The following DNM3 variants were observed in gnomAD, a reference collection of about 807,000 sequenced individuals.
The protein encoded by DNM3 is dynamin 3.
DNM3 carries 47 observed loss-of-function variants against 101.6 expected under a neutral mutation model. The observed-to-expected ratio is 0.46, with a 90% CI of 0.37 to 0.59. The LOEUF is 0.59. Among genes scored for constraint, DNM3 ranks in the 20% least tolerant of loss-of-function variants. The pLI is 0.00. For synonymous variants in DNM3, 385 were observed against 387.9 expected (o/e 0.99, Z 0.09); for missense variants, 849 against 1,085.7 (o/e 0.78, Z 3.06).
chr1:171,853,369 G>A (rs894125769), intron 1 of DNM3, among the ~76,000 whole-genome samples: 3 of 152,062 alleles, frequency 2.0e-5, no homozygotes, highest in Admixed American at 2.0e-4. Flanking sequence ...GTCTCCCTAT[G>A]TTGTCCAGGC....
chr1:172,131,161 C>T lies in DNM3; in HGVS notation c.1546-14C>T. On this transcript the variant is annotated splice_polypyrimidine_tract_variant and intron_variant, in intron 13 of 20. Transcript: ENST00000627582. Reference sequence around the variant, plus strand: ...TTAAACTAAACACCTCTGCTGATTTCTGCTTTTTCGTAGGTGATTCGCAAG... The same window carrying T: ...TTAAACTAAACACCTCTGCTGATTTTTGCTTTTTCGTAGGTGATTCGCAAG... The T allele has an allele frequency of 1.2e-6, 2 of 1,612,298 alleles. No individual in the cohort carries two copies. Among genetic ancestry groups the T allele is most frequent in the Admixed American group, 1.7e-5 (1 of 59,860 alleles).
chr1:172,267,644 A>AC (rs2062916483), intron 15 of DNM3, among the ~76,000 whole-genome samples: 1 of 151,880 alleles, frequency 6.6e-6, no homozygotes, highest in African/African-American at 2.4e-5. Context: ...TGCTTTGTAG[A>AC]TAGCTACACT....
chr1:172,003,932 T>C (rs1250616188), intron 4 of DNM3, among the ~76,000 whole-genome samples: 3 of 152,008 alleles, frequency 2.0e-5, no homozygotes, highest in Non-Finnish European at 4.4e-5. Context: ...ATTGAGGCCA[T>C]AGTGCATCTG....
intron 17 of DNM3, among the ~76,000 whole-genome samples, chr1:172,351,734 T>C (rs1020283189): frequency 6.6e-6 from 1 of 152,170 alleles, no homozygotes; most frequent in African/African-American, 2.4e-5. Flanking sequence ...CCAACTAAAA[T>C]GGACAGAAAA....
intron 18 of DNM3, chr1:172,380,991 AAAAAC>A (rs2068866098): frequency 6.6e-6 from 1 of 151,684 alleles, no homozygotes; most frequent in East Asian, 1.9e-4. Flanking sequence ...GAAAAAAAAA[AAAAAC>A]AAAAAACCCC....
rs142257853 is a variant in DNM3 at position 172,324,051 on chromosome 1, T to C, written c.1893+711T>C. ...GCAATTTAATAGTTCATGGGGTTGC[T>C]AGTTTGTTTAAATTTTAATTCAACT... On this transcript the variant is annotated intron_variant, in intron 17 of 20. Coordinates refer to ENST00000627582, the MANE Select transcript of DNM3 (RefSeq NM_015569.5). 3.3e-3 allele frequency among the ~76,000 whole-genome samples: 509 copies of C among 152,340 alleles called. 4 individuals carry two copies. The highest frequency in any genetic ancestry group is 4.2e-3 in the Non-Finnish European group (289 of 68,016).
At chr1:172,132,811 G>A in intron 14 of DNM3, 1 of 709,674 alleles carries the variant, frequency 1.4e-6, no homozygotes, top group Non-Finnish European at 2.6e-6. Context: ...TATCCCTATT[G>A]TTGATGAGAA....
chr1:172,060,120 C>G (rs368954346), intron 10 of DNM3, among the ~76,000 whole-genome samples: 2 of 149,154 alleles, frequency 1.3e-5, no homozygotes, highest in South Asian at 2.1e-4. Flanking sequence ...AATAAAATAC[C>G]TAGGAATCCA....
At chr1:171,962,636 C>A (rs2043293669) in intron 2 of DNM3, among the ~76,000 whole-genome samples, 1 of 152,068 alleles carries the variant, frequency 6.6e-6, no homozygotes, top group Non-Finnish European at 1.5e-5. Flanking sequence ...AGAGAGAAAG[C>A]AAGAGCTATA....
In DNM3 at chr1:171,850,611, C is replaced by T. The variant is rs537641629; in HGVS notation, c.161+8794C>T. On this transcript the variant is annotated intron_variant, in intron 1 of 20. Transcript: ENST00000627582. ...GATTTCTGCATTCTCATCTAAATAC[C>T]GATAGAACGACCTGCATACTGAAGT... Among the ~76,000 whole-genome samples the T allele has an allele frequency of 3.3e-5, 5 of 152,220 alleles. No homozygotes were observed. The South Asian group carries it at 1.0e-3, about 32-fold the overall frequency.
At chr1:171,900,954 AT>A (rs2125227775) in intron 1 of DNM3, among the ~76,000 whole-genome samples, 1 of 150,676 alleles carries the variant, frequency 6.6e-6, no homozygotes, top group African/African-American at 2.4e-5. Context: ...TAAAAAAAAA[AT>A]AGAAAAAATT....
intron 10 of DNM3, among the ~76,000 whole-genome samples, chr1:172,066,716 T>C (rs766034424): frequency 1.3e-5 from 2 of 152,246 alleles, no homozygotes; most frequent in Non-Finnish European, 2.9e-5. Flanking sequence ...TCAAATAGTG[T>C]TGTAAATACT....
At chr1:172,143,687 G>T (rs2057717451) in intron 14 of DNM3, among the ~76,000 whole-genome samples, 1 of 152,078 alleles carries the variant, frequency 6.6e-6, no homozygotes, top group South Asian at 2.1e-4. Flanking sequence ...GGGCTCAGCT[G>T]AGCAGCAATT....
intron 14 of DNM3, among the ~76,000 whole-genome samples, chr1:172,224,139 A>T (rs953794723): frequency 7.2e-5 from 11 of 152,198 alleles, no homozygotes; most frequent in Admixed American, 2.6e-4. Flanking sequence ...CCTGACCTCT[A>T]TTCAGCCTGA....
intron 14 of DNM3, among the ~76,000 whole-genome samples, chr1:172,149,595 G>A (rs2058051104): frequency 6.6e-6 from 1 of 152,106 alleles, no homozygotes; most frequent in African/African-American, 2.4e-5. Flanking sequence ...TATGTGCTAT[G>A]AGCTCCCGTT....
intron 11 of DNM3, among the ~76,000 whole-genome samples, chr1:172,070,216 G>C (rs1316923646): frequency 6.6e-6 from 1 of 152,168 alleles, no homozygotes; most frequent in African/African-American, 2.4e-5. Flanking sequence ...AACAGGCTTT[G>C]TGATTCAGTT....
At chr1:172,247,828 G>A (rs1310820170) in intron 14 of DNM3, among the ~76,000 whole-genome samples, 2 of 151,918 alleles carry the variant, frequency 1.3e-5, no homozygotes. Context: ...GGGATTACAG[G>A]CATCCACCAC....
rs776910137 is a variant in DNM3 at position 172,387,319 on chromosome 1, C to A, written c.2245C>A (p.Pro749Thr). 7 of 1,612,676 alleles carry A rather than the reference C, an allele frequency of 4.3e-6. No individual in the cohort carries two copies. Among genetic ancestry groups the A allele is most frequent in the Non-Finnish European group, 5.9e-6 (7 of 1,179,002 alleles). Reference protein sequence around the residue: ...ISTATVSTPAPPPVDDSWIQH... With the variant: ...ISTATVSTPATPPVDDSWIQH... Reference sequence around the variant, plus strand: ...CACAGCCACCGTGTCCACTCCGGCACCCCCTCCAGTGGATGACTCCTGGAT... The same window carrying A: ...CACAGCCACCGTGTCCACTCCGGCAACCCCTCCAGTGGATGACTCCTGGAT... The change falls in exon 19 of 21, where the codon CCC (proline) becomes ACC (threonine). Residue 749 changes from proline to threonine, a missense_variant. Transcript: ENST00000627582.
rs142539274 is a variant in DNM3 at position 171,946,581 on chromosome 1, T to C, written c.235+24760T>C. On this transcript the variant is annotated intron_variant, in intron 2 of 20. Coordinates refer to ENST00000627582, the MANE Select transcript of DNM3 (RefSeq NM_015569.5). The stretch of plus-strand genomic sequence containing the variant: ...GCTAGAAGATAAGGTAATTGTGAAC[T>C]TGTGATAGGCATGTGCTTGAATATT... 1.8e-4 allele frequency among the ~76,000 whole-genome samples: 28 copies of C among 152,296 alleles called. 1 individual carries two copies. Among genetic ancestry groups the C allele is most frequent in the Admixed American group, 1.8e-3 (28 of 15,294 alleles).
Sources: gnomAD v4.1 joint callset for allele counts (sites outside exome capture counted in the v4.1 genomes callset) on GRCh38, gnomAD v4.1.1 for gene constraint, MANE v1.5 for transcripts, NCBI Gene and HGNC (gene_info 2026-07-23, HGNC 2026-07-21) for gene names.